Variants in CARMIL1 observed in about 807,000 individuals in gnomAD.
CARMIL1 encodes the protein F-actin-uncapping protein LRRC16A.
A neutral mutation model predicts 177.1 loss-of-function variants in CARMIL1; 90 were observed. The observed-to-expected ratio is 0.51, with a 90% CI of 0.43 to 0.61. The LOEUF (loss-of-function observed/expected upper bound fraction) is 0.61, where lower values mean the gene tolerates loss of function less well. CARMIL1 is among the 20% of genes least tolerant of loss of function. CARMIL1 has a pLI of 0.00. For synonymous variants in CARMIL1, 577 were observed against 606.2 expected, an observed-to-expected ratio of 0.95 and a Z score of 0.71; for missense variants, 1,380 against 1,667.0, an observed-to-expected ratio of 0.83 and a Z score of 3.00.
In CARMIL1 at chr6:25,610,078, G is replaced by A. The variant is rs765060584; in HGVS notation, c.3876G>A (p.Pro1292=). The change falls in exon 36 of 37, where the codon CCG becomes CCA. Residue 1292 remains proline, a synonymous_variant. Transcript: ENST00000329474. ...ACATTCCAGACTCTCCATCTAGCCC[G>A]AAAGTTGCCCTTCTTCCACCTGTCC... is the stretch of plus-strand genomic sequence containing the variant. The part of the protein sequence containing the change: ...PDDIPDSPSS[P]KVALLPPVLK... 1.3e-4 allele frequency: 205 copies of A among 1,613,702 alleles called. No homozygotes were observed. The highest frequency in any genetic ancestry group is 1.2e-3 in the Middle Eastern group (7 of 6,084).
At chr6:25,556,881 C>A (rs771847968) in intron 29 of CARMIL1, 31 bp downstream of exon 29, 1 of 1,603,234 alleles carries the variant, frequency 6.2e-7, no homozygotes, top group South Asian at 1.1e-5. Context: ...GTACCGTTAC[C>A]CTTTTCACTG....
At chr6:25,595,236 C>T (rs1814713677) in intron 32 of CARMIL1, among the ~76,000 whole-genome samples, 2 of 150,112 alleles carry the variant, frequency 1.3e-5, no homozygotes, top group African/African-American at 4.9e-5. Flanking sequence ...TCCCAAAATA[C>T]ACTCTTAACA....
At chr6:25,532,952 TATAAA>T (rs1480810563) in intron 24 of CARMIL1, among the ~76,000 whole-genome samples, 2 of 152,142 alleles carry the variant, frequency 1.3e-5, no homozygotes, top group Non-Finnish European at 2.9e-5. Flanking sequence ...AAACTGTAGT[TATAAA>T]AACAGGCCCA....
chr6:25,346,797 T>C (rs1787557718), intron 2 of CARMIL1, among the ~76,000 whole-genome samples: 1 of 152,204 alleles, frequency 6.6e-6, no homozygotes, highest in South Asian at 2.1e-4. Context: ...CTAATAAAGC[T>C]AATTATTTTA....
At chr6:25,440,475 G>A (rs1426705792) in intron 5 of CARMIL1, among the ~76,000 whole-genome samples, 1 of 152,218 alleles carries the variant, frequency 6.6e-6, no homozygotes, top group Non-Finnish European at 1.5e-5. Flanking sequence ...CAGTTAGCTT[G>A]TCTCGATAAG....
At position 25,515,500 on chromosome 6, in the gene CARMIL1, G is replaced by A. The variant is rs759591587; in HGVS notation, c.1633-175G>A. On this transcript the variant is annotated intron_variant, in intron 20 of 36. Coordinates refer to ENST00000329474, the MANE Select transcript of CARMIL1 (RefSeq NM_017640.6). The surrounding 1 kb of genome is among the most constrained non-coding windows in gnomAD (Gnocchi z 5.0). ...CAAGTTCTCCATCTTTGACTCCAGCGGTCCATTTTGTGCCAGAACCTTAAG... is the reference window on the plus strand; with the variant it reads ...CAAGTTCTCCATCTTTGACTCCAGCAGTCCATTTTGTGCCAGAACCTTAAG... Among the ~76,000 whole-genome samples the A allele has an allele frequency of 4.6e-5, 7 of 152,198 alleles. No homozygotes were observed. The highest frequency in any genetic ancestry group is 3.4e-3 in the Middle Eastern group (1 of 294).
Position 25,451,986 on chromosome 6 carries a change from GCCCCCCCCTC to G in CARMIL1, c.614+1284_614+1293del. The G allele has an allele frequency of 1.8e-5, 2 of 112,672 alleles. 1 individual carries two copies. The highest frequency in any genetic ancestry group is 3.5e-5 in the Non-Finnish European group (2 of 57,508). 7.0% of individuals were successfully genotyped at this position (112,672 alleles called of 1,614,324 possible). A position where few individuals can be genotyped will look rare whatever the true frequency, so the allele number is the denominator to read the frequency against. On this transcript the variant is annotated intron_variant, in intron 8 of 36. Coordinates refer to ENST00000329474, the MANE Select transcript of CARMIL1 (RefSeq NM_017640.6). ...TATGTCATCTCATCACTAGCATCTTGCCCCCCCCTCCCCCCCCCAGAATACTGTTTTGAAT... is the reference window on the plus strand; with the variant it reads ...TATGTCATCTCATCACTAGCATCTTGCCCCCCCCAGAATACTGTTTTGAAT...
chr6:25,584,079 G>A (rs1008971907), intron 31 of CARMIL1, among the ~76,000 whole-genome samples: 3 of 142,834 alleles, frequency 2.1e-5, no homozygotes, highest in Non-Finnish European at 4.5e-5. Context: ...CCAGACTGGA[G>A]TGCAGCGGCA....
At chr6:25,617,773 C>T (rs1374437838) in intron 36 of CARMIL1, among the ~76,000 whole-genome samples, 1 of 152,188 alleles carries the variant, frequency 6.6e-6, no homozygotes, top group Non-Finnish European at 1.5e-5. Flanking sequence ...CATTTATTCA[C>T]CTTTGTTCTC....
At chr6:25,304,576 G>C (rs1172671020) in intron 2 of CARMIL1, among the ~76,000 whole-genome samples, 1 of 152,140 alleles carries the variant, frequency 6.6e-6, no homozygotes, top group African/African-American at 2.4e-5. Context: ...CAAATGCCTT[G>C]GCTGATCTGA....
chr6:25,435,634 C>A (rs1478869057), intron 5 of CARMIL1, 30 bp downstream of exon 5: 3 of 1,551,802 alleles, frequency 1.9e-6, no homozygotes, highest in Non-Finnish European at 2.6e-6. Flanking sequence ...GTGAGGAGAG[C>A]AAAGAACCTG....
chr6:25,525,951 A>G (rs973733073), intron 23 of CARMIL1, among the ~76,000 whole-genome samples: 3 of 152,194 alleles, frequency 2.0e-5, no homozygotes, highest in Non-Finnish European at 4.4e-5. Flanking sequence ...CAAACATGGT[A>G]GATATGAATC....
At chr6:25,317,987 C>G (rs927860329) in intron 2 of CARMIL1, among the ~76,000 whole-genome samples, 1 of 152,086 alleles carries the variant, frequency 6.6e-6, no homozygotes, top group Non-Finnish European at 1.5e-5. Context: ...TAAATGCTAA[C>G]CTTGTGTAGA....
chr6:25,605,518 A>G (rs1303942717), intron 34 of CARMIL1, among the ~76,000 whole-genome samples: 1 of 152,138 alleles, frequency 6.6e-6, no homozygotes, highest in Non-Finnish European at 1.5e-5. Context: ...TATTTTTGCC[A>G]GTTGTCTTGT....
At chr6:25,348,333 T>C (rs1286059948) in intron 2 of CARMIL1, among the ~76,000 whole-genome samples, 6 of 151,160 alleles carry the variant, frequency 4.0e-5, no homozygotes, top group African/African-American at 1.2e-4. Context: ...GGTTTCACCA[T>C]GTTGGGCAGG....
intron 2 of CARMIL1, among the ~76,000 whole-genome samples, chr6:25,395,084 G>T (rs1464239567): frequency 1.3e-5 from 2 of 152,052 alleles, no homozygotes; most frequent in East Asian, 3.8e-4. Context: ...AAATTTACCA[G>T]CAAGTCACAA....
At chr6:25,346,699 T>C (rs762848151) in intron 2 of CARMIL1, among the ~76,000 whole-genome samples, 3 of 150,696 alleles carry the variant, frequency 2.0e-5, no homozygotes, top group Admixed American at 6.6e-5. Context: ...TAGGGTGTCA[T>C]AAGTATTTGT....
At chr6:25,446,688 A>G (rs1183626034) in intron 5 of CARMIL1, among the ~76,000 whole-genome samples, 1 of 152,080 alleles carries the variant, frequency 6.6e-6, no homozygotes, top group Admixed American at 6.6e-5. Context: ...AATTTTGCTA[A>G]TTTTTTTGTT....
intron 2 of CARMIL1, among the ~76,000 whole-genome samples, chr6:25,321,947 T>G (rs1784708052): frequency 6.6e-6 from 1 of 152,104 alleles, no homozygotes. Context: ...TGTGAGCCAC[T>G]GAGCCTGGCC....
Sources: allele counts gnomAD v4.1 joint callset (sites outside exome capture counted in the v4.1 genomes callset), GRCh38; gene constraint gnomAD v4.1.1; non-coding constraint Gnocchi (gnomAD v3.1); transcripts MANE v1.5; gene names NCBI Gene and HGNC (gene_info 2026-07-23, HGNC 2026-07-21).